The following HMGA2 variants were observed in gnomAD, a reference collection of about 807,000 sequenced individuals.
HMGA2 encodes high mobility group AT-hook 2.
Under a neutral mutation model 19.1 loss-of-function variants are expected in HMGA2, and 8 were observed. The ratio of observed to expected loss-of-function variants is 0.42; its 90% CI spans 0.25 to 0.76. HMGA2 has a LOEUF of 0.76. Among genes scored for constraint, HMGA2 ranks in the 30% least tolerant of loss-of-function variants. The pLI, the probability that HMGA2 is intolerant of heterozygous loss-of-function variation, is 0.28. For synonymous variants in HMGA2, 60 were observed against 48.8 expected (o/e 1.23, Z -0.96); for missense variants, 109 against 136.3 (o/e 0.80, Z 1.00).
At chr12:65,962,334 C>G (rs997597818) in intron 4 of HMGA2, among the ~76,000 whole-genome samples, 1 of 152,142 alleles carries the variant, frequency 6.6e-6, no homozygotes, top group Non-Finnish European at 1.5e-5. Context: ...CGCAGAAACC[C>G]CAACAAATTC....
intron 3 of HMGA2, among the ~76,000 whole-genome samples, chr12:65,925,322 A>G (rs1454800166): frequency 1.3e-5 from 2 of 152,186 alleles, no homozygotes; most frequent in Non-Finnish European, 2.9e-5. Context: ...ATTTCTAATA[A>G]GCATTTGGGT....
At chr12:65,904,306 C>T (rs80053075) in intron 3 of HMGA2, among the ~76,000 whole-genome samples, 4,271 of 152,304 alleles carry the variant, frequency 0.028, 209 homozygotes, top group African/African-American at 0.098. Flanking sequence ...ATTATAGACT[C>T]ATCAAACAAT....
intron 3 of HMGA2, among the ~76,000 whole-genome samples, chr12:65,894,279 G>A (rs1874035318): frequency 6.6e-6 from 1 of 152,190 alleles, no homozygotes. Flanking sequence ...GTGTGTATGT[G>A]TGTGGTTTAT....
At position 65,825,054 on chromosome 12, in the gene HMGA2, C is replaced by A; in HGVS notation, c.-217C>A. 1 of 473,880 alleles carries A rather than the reference C, an allele frequency of 2.1e-6. No individual in the cohort carries two copies. Among genetic ancestry groups the A allele is most frequent in the South Asian group, 3.1e-5 (1 of 31,852 alleles). 29.4% of individuals were successfully genotyped at this position (473,880 alleles called of 1,614,324 possible). A position where few individuals can be genotyped will look rare whatever the true frequency, so the allele number is the denominator to read the frequency against. On this transcript the variant is annotated 5_prime_UTR_variant, in exon 1 of 5. Transcript: ENST00000403681. The surrounding 1 kb of genome is among the most constrained non-coding windows in gnomAD (Gnocchi z 4.4). ...GGCAGCGCCTCCTCCTCTCCTCCTC[C>A]TCCTCCCCTCTTCTCTTTTTGGCAG...
intron 3 of HMGA2, among the ~76,000 whole-genome samples, chr12:65,892,698 C>T (rs575771760): frequency 6.6e-6 from 1 of 152,132 alleles, no homozygotes; most frequent in African/African-American, 2.4e-5. Context: ...GTCAGGAAAA[C>T]GGTCCCTAAA....
intron 3 of HMGA2, among the ~76,000 whole-genome samples, chr12:65,887,131 C>A (rs1455216045): frequency 6.6e-6 from 1 of 152,202 alleles, no homozygotes; most frequent in Non-Finnish European, 1.5e-5. Flanking sequence ...GACTCCCCCC[C>A]TCATAAAATG....
intron 2 of HMGA2, chr12:65,828,316 C>A: frequency 8.7e-6 from 3 of 343,638 alleles, no homozygotes; most frequent in East Asian, 5.8e-5. Context: ...TTTAAACAAA[C>A]AGCCACCAAA....
intron 3 of HMGA2, among the ~76,000 whole-genome samples, chr12:65,894,074 C>T (rs1426457511): frequency 6.6e-6 from 1 of 152,204 alleles, no homozygotes; most frequent in African/African-American, 2.4e-5. Flanking sequence ...AAATTTTATA[C>T]ATTTCTTCCG....
chr12:65,841,384 A>G (rs746657997), intron 3 of HMGA2, among the ~76,000 whole-genome samples: 1 of 152,204 alleles, frequency 6.6e-6, no homozygotes, highest in African/African-American at 2.4e-5. Context: ...TTGGTCCCCA[A>G]AGAAGAGTTG....
At chr12:65,934,083 G>A (rs1289849442) in intron 3 of HMGA2, among the ~76,000 whole-genome samples, 1 of 152,136 alleles carries the variant, frequency 6.6e-6, no homozygotes, top group Non-Finnish European at 1.5e-5. Flanking sequence ...CTGAACAGTA[G>A]CCCTCAAAGA....
At chr12:65,925,165 T>A (rs1254420003) in intron 3 of HMGA2, among the ~76,000 whole-genome samples, 1 of 152,208 alleles carries the variant, frequency 6.6e-6, no homozygotes, top group Non-Finnish European at 1.5e-5. Flanking sequence ...TTTGAGTAGC[T>A]CAAAAGTATC....
Position 65,963,326 on chromosome 12 carries a change from A to G in HMGA2, c.*34A>G. On this transcript the variant is annotated 3_prime_UTR_variant, in exon 5 of 5. Transcript: ENST00000403681. ...AACGTTCGATTTCTACCTCAGCAGC[A>G]GTTGGATCTTTTGAAGGGAGAAGAC... is the stretch of plus-strand genomic sequence containing the variant. 1 of 1,581,232 alleles carries G rather than the reference A, an allele frequency of 6.3e-7. No homozygotes were observed. Among genetic ancestry groups the G allele is most frequent in the Non-Finnish European group, 8.6e-7 (1 of 1,158,928 alleles).
intron 3 of HMGA2, among the ~76,000 whole-genome samples, chr12:65,934,038 G>A (rs1472674217): frequency 6.6e-6 from 1 of 152,194 alleles, no homozygotes; most frequent in East Asian, 1.9e-4. Context: ...TCAGCTTGCA[G>A]TAGCAGAAAA....
At chr12:65,952,363 T>C (rs1219400889) in intron 4 of HMGA2, 3 of 1,534,742 alleles carry the variant, frequency 2.0e-6, no homozygotes, top group Non-Finnish European at 2.6e-6. Context: ...TAGGTCAATG[T>C]TGCCTTGCCT....
At chr12:65,959,021 C>T (rs1400006269) in intron 4 of HMGA2, among the ~76,000 whole-genome samples, 1 of 152,216 alleles carries the variant, frequency 6.6e-6, no homozygotes, top group African/African-American at 2.4e-5. Context: ...GCTGTTTAGT[C>T]TGCATCTGGA....
At chr12:65,918,349 G>GA (rs1875183482) in intron 3 of HMGA2, among the ~76,000 whole-genome samples, 1 of 152,200 alleles carries the variant, frequency 6.6e-6, no homozygotes, top group African/African-American at 2.4e-5. Flanking sequence ...CTTATAAAGA[G>GA]AAGTGGAGCT....
intron 3 of HMGA2, chr12:65,851,384 G>A (rs951968212): frequency 6.4e-5 from 11 of 172,450 alleles, no homozygotes; most frequent in East Asian, 1.9e-4. Flanking sequence ...GTGTGGTGGC[G>A]CATGCCTGTA....
intron 3 of HMGA2, among the ~76,000 whole-genome samples, chr12:65,879,805 A>G (rs1012474193): frequency 2.6e-5 from 4 of 152,214 alleles, no homozygotes; most frequent in Admixed American, 1.3e-4. Context: ...CATATATTCT[A>G]TGTATATATC....
intron 2 of HMGA2, among the ~76,000 whole-genome samples, chr12:65,832,676 C>T (rs1156586017): frequency 9.9e-5 from 15 of 151,912 alleles, no homozygotes; most frequent in Admixed American, 9.8e-4. Context: ...TTTGTTCTGC[C>T]AACCAAGAGA....
Sources: allele counts gnomAD v4.1 joint callset (sites outside exome capture counted in the v4.1 genomes callset), GRCh38; gene constraint gnomAD v4.1.1; non-coding constraint Gnocchi (gnomAD v3.1); transcripts MANE v1.5; gene names NCBI Gene and HGNC (gene_info 2026-07-23, HGNC 2026-07-21).